Variants in CDK14 observed in about 807,000 individuals in gnomAD.
CDK14 encodes cyclin-dependent kinase 14.
Under a neutral mutation model 60.7 loss-of-function variants are expected in CDK14, and 34 were observed. That is an observed-to-expected ratio of 0.56 (90% CI 0.43 to 0.75). The LOEUF (loss-of-function observed/expected upper bound fraction) is 0.75. Ranked by LOEUF, CDK14 falls within the 30% of genes least tolerant of loss-of-function variation. CDK14 has a pLI of 0.00. For missense variants in CDK14, 482 were observed against 564.1 expected, an observed-to-expected ratio of 0.85 and a Z score of 1.47; for synonymous variants, 197 against 203.7, an observed-to-expected ratio of 0.97 and a Z score of 0.28.
At chr7:90,610,947 C>T (rs764547385) in intron 2 of CDK14, among the ~76,000 whole-genome samples, 2 of 152,068 alleles carry the variant, frequency 1.3e-5, no homozygotes, top group African/African-American at 2.4e-5. Flanking sequence ...CCCTTAATAC[C>T]GTTAGGTGTC....
At chr7:90,612,953 A>G (rs1269649583) in intron 2 of CDK14, among the ~76,000 whole-genome samples, 8 of 152,136 alleles carry the variant, frequency 5.3e-5, no homozygotes, top group African/African-American at 1.7e-4. Context: ...AGCATTTAAG[A>G]TAGCTGAAAA....
intron 4 of CDK14, among the ~76,000 whole-genome samples, chr7:90,776,941 C>T (rs913555971): frequency 7.2e-5 from 11 of 151,896 alleles, no homozygotes; most frequent in Admixed American, 1.3e-4. Context: ...TCTTCTTGTT[C>T]CCCCTTCTCT....
At chr7:90,750,398 GA>G (rs1021388947) in intron 4 of CDK14, among the ~76,000 whole-genome samples, 50 of 152,224 alleles carry the variant, frequency 3.3e-4, no homozygotes, top group Admixed American at 9.8e-4. Flanking sequence ...TGGAAACTCA[GA>G]AATGACAGAT....
chr7:90,633,783 T>C (rs540983670), intron 2 of CDK14, among the ~76,000 whole-genome samples: 2 of 152,322 alleles, frequency 1.3e-5, no homozygotes, highest in African/African-American at 2.4e-5. Context: ...TTGTAAATCA[T>C]GCATTTGTAT....
chr7:90,816,032 T>C (rs1205671039), intron 5 of CDK14, among the ~76,000 whole-genome samples: 3 of 152,122 alleles, frequency 2.0e-5, no homozygotes, highest in Non-Finnish European at 4.4e-5. Flanking sequence ...CGTGTATGCC[T>C]ATGTAACAAA....
intron 10 of CDK14, among the ~76,000 whole-genome samples, chr7:90,988,518 A>T (rs1795438985): frequency 6.6e-6 from 1 of 152,354 alleles, no homozygotes; most frequent in Admixed American, 6.5e-5. Flanking sequence ...TAGTTGCAAA[A>T]TAAGCAGCAA....
chr7:91,042,262 A>C (rs932723119), intron 10 of CDK14, among the ~76,000 whole-genome samples: 8 of 151,986 alleles, frequency 5.3e-5, no homozygotes, highest in Non-Finnish European at 1.0e-4. Flanking sequence ...ATAACCGTAT[A>C]CTCTACTGTC....
intron 8 of CDK14, among the ~76,000 whole-genome samples, chr7:90,938,349 G>A (rs183826336): frequency 3.3e-5 from 5 of 152,338 alleles, no homozygotes; most frequent in Admixed American, 1.3e-4. Flanking sequence ...TTTAGCACAT[G>A]GACAGACTAG....
chr7:90,665,665 A>G (rs190090632), intron 2 of CDK14, among the ~76,000 whole-genome samples: 9 of 152,368 alleles, frequency 5.9e-5, no homozygotes, highest in Non-Finnish European at 1.2e-4. Flanking sequence ...TTCAGGCATC[A>G]GGGAAAAAGA....
intron 12 of CDK14, among the ~76,000 whole-genome samples, chr7:91,087,405 C>A (rs542368119): frequency 6.6e-6 from 1 of 152,212 alleles, no homozygotes; most frequent in East Asian, 1.9e-4. Flanking sequence ...ACACAAATAG[C>A]AATTAAATGC....
At chr7:90,919,056 A>G (rs1793166538) in intron 8 of CDK14, among the ~76,000 whole-genome samples, 1 of 152,124 alleles carries the variant, frequency 6.6e-6, no homozygotes, top group Non-Finnish European at 1.5e-5. Context: ...TAGGGTAGAA[A>G]ATAATGGGAG....
chr7:91,079,603 C>A, intron 12 of CDK14, 123 bp downstream of exon 12: 1 of 744,804 alleles, frequency 1.3e-6, no homozygotes, highest in South Asian at 1.6e-5. Flanking sequence ...TTCATTTAAC[C>A]ATTAAACTGC....
chr7:90,766,986 G>A (rs1804590025), intron 4 of CDK14, among the ~76,000 whole-genome samples: 1 of 152,030 alleles, frequency 6.6e-6, no homozygotes, highest in African/African-American at 2.4e-5. Flanking sequence ...TGTGAGCCAT[G>A]TCGAGCCATG....
At chr7:90,948,362 A>C (rs1425647512) in intron 8 of CDK14, among the ~76,000 whole-genome samples, 1 of 152,260 alleles carries the variant, frequency 6.6e-6, no homozygotes, top group African/African-American at 2.4e-5. Context: ...ATTCTCTGCT[A>C]ATGCAGATGT....
chr7:90,625,035 G>A (rs1799847634), intron 2 of CDK14, among the ~76,000 whole-genome samples: 1 of 152,126 alleles, frequency 6.6e-6, no homozygotes, highest in African/African-American at 2.4e-5. Context: ...CACTTAAAAC[G>A]GCGAATGGCT....
chr7:90,604,716 T>G (rs1317912121), intron 2 of CDK14, among the ~76,000 whole-genome samples: 2 of 149,226 alleles, frequency 1.3e-5, no homozygotes, highest in Non-Finnish European at 2.9e-5. Context: ...TTTCCTATTC[T>G]TTGTATATCA....
chr7:90,994,295 C>T (rs903482221), intron 10 of CDK14, among the ~76,000 whole-genome samples: 3 of 152,104 alleles, frequency 2.0e-5, no homozygotes, highest in Non-Finnish European at 4.4e-5. Context: ...GGGTTCTTGC[C>T]ATGTGGGCTG....
chr7:90,912,366 T>G (rs1792935087), intron 7 of CDK14, among the ~76,000 whole-genome samples: 3 of 152,118 alleles, frequency 2.0e-5, no homozygotes, highest in Admixed American at 2.0e-4. Context: ...TTTGATTCAC[T>G]TAATAAAAGC....
At chr7:90,798,033 G>C (rs1352321957) in intron 5 of CDK14, among the ~76,000 whole-genome samples, 1 of 152,000 alleles carries the variant, frequency 6.6e-6, no homozygotes, top group Admixed American at 6.5e-5. Context: ...TTGTGGTTTT[G>C]ATTTCCCAAA....
Sources: allele counts gnomAD v4.1 joint callset (sites outside exome capture counted in the v4.1 genomes callset), GRCh38; gene constraint gnomAD v4.1.1; transcripts MANE v1.5; gene names NCBI Gene and HGNC (gene_info 2026-07-23, HGNC 2026-07-21).